Variants in FBN3 observed in about 807,000 individuals in gnomAD.
The protein encoded by FBN3 is fibrillin 3.
FBN3 carries 234 observed loss-of-function variants against 330.1 expected under a neutral mutation model. The ratio of observed to expected loss-of-function variants is 0.71; its 90% confidence interval spans 0.64 to 0.79. The LOEUF is 0.79. Among genes scored for constraint, FBN3 ranks in the 30% least tolerant of loss-of-function variants. The probability of loss-of-function intolerance (pLI) is 0.00; values close to 1 mark genes in which losing one functional copy is unlikely to be tolerated. For missense variants in FBN3, 3,606 were observed against 3,886.9 expected, an observed-to-expected ratio of 0.93 and a Z score of 1.92; for synonymous variants, 1,458 against 1,517.3, an observed-to-expected ratio of 0.96 and a Z score of 0.91.
In FBN3 at chr19:8,096,931, C is replaced by T. The variant is rs769378514; in HGVS notation, c.5363G>A (p.Arg1788His). The stretch of plus-strand genomic sequence containing the variant: ...TTTGTACCCTCGGGTGCACTTGCAG[C>T]GGTAGCTACCGGGGATGTTGATGCA... ...ADCINIPGSY[R>H]CKCTRGYKLS... The change falls in exon 43 of 64, where the codon CGC (arginine) becomes CAC (histidine). Residue 1788 changes from arginine (R) to histidine (H), a missense_variant. By Grantham distance (29) the Arg-to-His change is conservative (BLOSUM62 0). Coordinates refer to ENST00000600128, the MANE Select transcript of FBN3 (RefSeq NM_032447.5). This position sits in a 1 kb window ranked among gnomAD's most constrained non-coding sequence, Gnocchi z 4.6. 172 of 1,613,648 alleles carry T rather than the reference C, an allele frequency of 1.1e-4. No homozygotes were observed. The highest frequency in any genetic ancestry group is 1.6e-4 in the Middle Eastern group (1 of 6,084).
intron 5 of FBN3, among the ~76,000 whole-genome samples, chr19:8,145,524 C>CA (rs1270971521): frequency 6.6e-6 from 1 of 150,602 alleles, no homozygotes. Context: ...ACTAAAAATA[C>CA]AAAAAAATTA....
intron 18 of FBN3, among the ~76,000 whole-genome samples, chr19:8,128,109 C>A (rs2083038282): frequency 6.6e-6 from 1 of 152,238 alleles, no homozygotes. Flanking sequence ...TCCGTGCCTG[C>A]TCTCGGCATG....
chr19:8,135,936 G>GGGGGGGGGGGGGGGGGGCGCC, intron 13 of FBN3, 25 bp downstream of exon 13: 2 of 668,778 alleles, frequency 3.0e-6, no homozygotes, highest in Non-Finnish European at 4.8e-6. Flanking sequence ...GGAAGCCCCT[G>GGGGGGGGGGGGGGGGGGCGCC]CCCACCCGCC....
Position 8,066,374 on chromosome 19 carries a change from A to C in FBN3, c.8089-114T>G, listed in dbSNP as rs2081391100. ...AGATTCTGGCCAATCTCTAAAGTGA[A>C]GGAAAGAGCCATAAAAAGGAATGAA... On this transcript the variant is annotated intron_variant, in intron 63 of 63. Coordinates refer to ENST00000600128, the MANE Select transcript of FBN3 (RefSeq NM_032447.5). 9 of 768,502 alleles carry C rather than the reference A, an allele frequency of 1.2e-5. No homozygotes were observed. The South Asian group carries it at 1.8e-4, about 15-fold the overall frequency. 47.6% of individuals were successfully genotyped at this position (768,502 alleles called of 1,614,324 possible). A position where few individuals can be genotyped will look rare whatever the true frequency, so the allele number is the denominator to read the frequency against.
chr19:8,095,330 G>T (rs2082186192), intron 46 of FBN3, 45 bp downstream of exon 46: 1 of 1,591,018 alleles, frequency 6.3e-7, no homozygotes, highest in Non-Finnish European at 8.6e-7. Flanking sequence ...TGTACATGGA[G>T]CAGGGGCTGG....
chr19:8,105,581 T>C (rs1349875208), intron 38 of FBN3, among the ~76,000 whole-genome samples: 1 of 152,218 alleles, frequency 6.6e-6, no homozygotes, highest in African/African-American at 2.4e-5. Flanking sequence ...ATAATTTTCA[T>C]GTGTCACAAA....
chr19:8,131,592 A>G lies in FBN3; in HGVS notation c.1952T>C (p.Phe651Ser), dbSNP rs2083148977. The G allele has an allele frequency of 3.1e-6, 5 of 1,613,308 alleles. No individual in the cohort carries two copies. The East Asian group carries it at 8.9e-5, about 29-fold the overall frequency. The change falls in exon 15 of 64, where the codon TTT (phenylalanine) becomes TCT (serine). Residue 651 changes from phenylalanine to serine, a missense_variant. Physicochemically the swap from Phe to Ser is radical, Grantham distance 155. Coordinates refer to ENST00000600128, the MANE Select transcript of FBN3 (RefSeq NM_032447.5). The surrounding 1 kb of genome is among the most constrained non-coding windows in gnomAD (Gnocchi z 4.5). Reference protein sequence around the residue: ...ECCCANPDHGFGEPCQLCPAK... With the variant: ...ECCCANPDHGSGEPCQLCPAK... ...AGGACAAAGCTGGCAGGGCTCCCCA[A>G]AACCGTGGTCCGGATTGGCACAGCA...
Position 8,129,370 on chromosome 19 carries a change from G to A in FBN3, c.2045-5C>T, listed in dbSNP as rs775513613. ...CCAGAGCACACTCGTTGATGTCTGC[G>A]GCAGGAGGAGGGTGTGTCAGCAGCA... On this transcript the variant is annotated splice_polypyrimidine_tract_variant and splice_region_variant and intron_variant, in intron 16 of 63. Coordinates refer to ENST00000600128, the MANE Select transcript of FBN3 (RefSeq NM_032447.5). This position sits in a 1 kb window ranked among gnomAD's most constrained non-coding sequence, Gnocchi z 4.5. 27 of 1,613,544 alleles carry A rather than the reference G, an allele frequency of 1.7e-5. No homozygotes were observed. The highest frequency in any genetic ancestry group is 5.3e-5 in the African/African-American group (4 of 74,918).
chr19:8,137,430 G>T (rs1406001953), intron 10 of FBN3, among the ~76,000 whole-genome samples: 1 of 151,766 alleles, frequency 6.6e-6, no homozygotes, highest in African/African-American at 2.4e-5. Context: ...CCTCCAAAAT[G>T]GAGCCTTAGA....
chr19:8,141,900 C>A lies in FBN3; in HGVS notation c.739+40G>T, dbSNP rs572401011. On this transcript the variant is annotated intron_variant, in intron 7 of 63. Coordinates refer to ENST00000600128, the MANE Select transcript of FBN3 (RefSeq NM_032447.5). The stretch of plus-strand genomic sequence containing the variant: ...GGCCCATCGGAGGGAAGAACCAAGG[C>A]AGCTAAGGCCTCCCACTCAGCCCTG... The A allele has an allele frequency of 8.7e-6, 14 of 1,612,538 alleles. No individual in the cohort carries two copies. In the East Asian group the frequency reaches 2.9e-4, roughly 33 times the overall value.
rs2081565800 is a variant in FBN3 at position 8,073,271 on chromosome 19, G to A, written c.7729C>T (p.Pro2577Ser). 9 of 1,613,828 alleles carry A rather than the reference G, an allele frequency of 5.6e-6. No homozygotes were observed. Among genetic ancestry groups the A allele is most frequent in the Non-Finnish European group, 7.6e-6 (9 of 1,179,954 alleles). The stretch of plus-strand genomic sequence containing the variant: ...CGACAGGAGGCGCTCCCGCAGGTGG[G>A]GGGCGACAGGGCACACTCATTCTCA... ...VDENECALSPPTCGSASCRNT... is the reference protein window; with the variant it reads ...VDENECALSPSTCGSASCRNT... The change falls in exon 62 of 64, where the codon CCC becomes TCC. Residue 2577 changes from proline (P) to serine (S), a missense_variant. By Grantham distance (74) the Pro-to-Ser change is moderately conservative (BLOSUM62 -1). Coordinates refer to ENST00000600128, the MANE Select transcript of FBN3 (RefSeq NM_032447.5).
intron 41 of FBN3, among the ~76,000 whole-genome samples, chr19:8,100,275 T>C (rs10906992): frequency 0.81 from 122,750 of 151,762 alleles, 55,756 homozygotes; most frequent in Non-Finnish European, 0.99. Flanking sequence ...ATGGTGATAG[T>C]TGCAAAACAG....
In FBN3 at chr19:8,096,068, C is replaced by T; in HGVS notation, c.5552G>A (p.Cys1851Tyr). 1 of 1,613,802 alleles carries T rather than the reference C, an allele frequency of 6.2e-7. No homozygotes were observed. Among genetic ancestry groups the T allele is most frequent in the Non-Finnish European group, 8.5e-7 (1 of 1,179,700 alleles). The stretch of plus-strand genomic sequence containing the variant: ...CCCATTTCCACAAGGCTGCCGGTCA[C>T]ACTCGTCAATGTCTGCAGAAGCAAA... ...DQTLCMDIDE[C>Y]DRQPCGNGTC... Residue 1851 changes from cysteine (C) to tyrosine (Y), a missense_variant, in exon 45 of 64, where the codon TGT becomes TAT. Cys to Tyr is a radical substitution (Grantham distance 194). Coordinates refer to ENST00000600128, the MANE Select transcript of FBN3 (RefSeq NM_032447.5). The surrounding 1 kb of genome is among the most constrained non-coding windows in gnomAD (Gnocchi z 4.6).
At chr19:8,072,843 T>G (rs1342121162) in intron 62 of FBN3, among the ~76,000 whole-genome samples, 1 of 152,088 alleles carries the variant, frequency 6.6e-6, no homozygotes, top group Non-Finnish European at 1.5e-5. Flanking sequence ...TGAGGATGTG[T>G]GTGAATAGAT....
chr19:8,088,332 T>C (rs2082015132), intron 51 of FBN3, among the ~76,000 whole-genome samples, 153 bp from the exon 52 acceptor site: 1 of 152,144 alleles, frequency 6.6e-6, no homozygotes, highest in South Asian at 2.1e-4. Flanking sequence ...GGTATGTGTT[T>C]AGTGAATGAA....
rs937005361 is a variant in FBN3 at position 8,117,725 on chromosome 19, C to T, written c.3338-136G>A. ...TGGCACAGCCCCGCATGTGCCTATCCGTACACTTGCATTCACTCACATGCA... is the reference window on the plus strand; with the variant it reads ...TGGCACAGCCCCGCATGTGCCTATCTGTACACTTGCATTCACTCACATGCA... On this transcript the variant is annotated intron_variant, in intron 26 of 63. Coordinates refer to ENST00000600128, the MANE Select transcript of FBN3 (RefSeq NM_032447.5). 10 of 1,003,872 alleles carry T rather than the reference C, an allele frequency of 1.0e-5. No homozygotes were observed. The East Asian group carries it at 1.1e-4, about 11-fold the overall frequency. 62.2% of individuals were successfully genotyped at this position (1,003,872 alleles called of 1,614,324 possible).
rs764445618 is a variant in FBN3, at chr19:8,111,043, C to T, written c.4210+15G>A. 16 of 1,613,000 alleles carry T rather than the reference C, an allele frequency of 9.9e-6. 1 individual carries two copies. Among genetic ancestry groups the T allele is most frequent in the South Asian group, 7.7e-5 (7 of 90,950 alleles). On this transcript the variant is annotated intron_variant, in intron 33 of 63. Transcript: ENST00000600128. ...CTACCCACTCTGTCCTCTGCCCTGG[C>T]GGGCCCAACCTTACCCTGGCAGGCC...
chr19:8,135,934 C>CAGGGGGGGGGGGGG, intron 13 of FBN3, 27 bp downstream of exon 13: 3 of 1,284,384 alleles, frequency 2.3e-6, no homozygotes, highest in Non-Finnish European at 3.2e-6. Flanking sequence ...CCGGAAGCCC[C>CAGGGGGGGGGGGGG]TGCCCACCCG....
Position 8,138,257 on chromosome 19 carries a change from C to A in FBN3, c.1085G>T (p.Gly362Val), listed in dbSNP as rs781215631. ...LLPGHPGLFP[G>V]LLGFGSNGMG... ...GCCATTGGATCCGAAGCCCAGGAGG[C>A]CAGGGAAGAGGCCAGGGTGGCCGGG... Residue 362 changes from glycine to valine, a missense_variant, in exon 10 of 64, where the codon GGC (glycine) becomes GTC (valine). By Grantham distance (109) the Gly-to-Val change is moderately radical. Transcript: ENST00000600128. 6.2e-7 allele frequency: 1 copy of A among 1,612,054 alleles called. No homozygotes were observed. Among genetic ancestry groups the A allele is most frequent in the South Asian group, 1.1e-5 (1 of 90,880 alleles).
Sources: allele counts gnomAD v4.1 joint callset (sites outside exome capture counted in the v4.1 genomes callset), GRCh38; gene constraint gnomAD v4.1.1; non-coding constraint Gnocchi (gnomAD v3.1); transcripts MANE v1.5; gene names NCBI Gene and HGNC (gene_info 2026-07-23, HGNC 2026-07-21).